Variants in FAM110B observed in about 807,000 individuals in gnomAD.
The protein encoded by FAM110B is protein FAM110B.
FAM110B carries 6 observed loss-of-function variants against 20.4 expected under a neutral mutation model. That is an observed-to-expected ratio of 0.29 (90% CI 0.16 to 0.58). The LOEUF (loss-of-function observed/expected upper bound fraction) is 0.58. Among genes scored for constraint, FAM110B ranks in the 20% least tolerant of loss-of-function variants. The probability of loss-of-function intolerance (pLI) is 0.90; values close to 1 mark genes in which losing one functional copy is unlikely to be tolerated. For missense variants in FAM110B, 434 were observed against 498.2 expected (o/e 0.87, Z 1.23); for synonymous variants, 226 against 214.1 (o/e 1.06, Z -0.49).
chr8:58,009,450 A>G (rs772009165), intron 1 of FAM110B, among the ~76,000 whole-genome samples: 3 of 152,200 alleles, frequency 2.0e-5, no homozygotes, highest in Non-Finnish European at 4.4e-5. Flanking sequence ...CTGAATTGAG[A>G]TGTCCTCCTG....
At chr8:58,012,109 T>G (rs564217914) in intron 1 of FAM110B, among the ~76,000 whole-genome samples, 1 of 152,326 alleles carries the variant, frequency 6.6e-6, no homozygotes, top group East Asian at 1.9e-4. Context: ...GTAATTTGAT[T>G]AGAAAGATGA....
intron 2 of FAM110B, among the ~76,000 whole-genome samples, chr8:58,053,882 G>A (rs1042436140): frequency 2.6e-5 from 4 of 152,136 alleles, no homozygotes; most frequent in Admixed American, 1.3e-4. Context: ...TAAATTTAAC[G>A]TAGGTTACTT....
At chr8:58,106,146 C>T (rs980724611) in intron 3 of FAM110B, 8 of 152,286 alleles carry the variant, frequency 5.3e-5, no homozygotes, top group Middle Eastern at 3.4e-3. Context: ...AGTTCCCCAA[C>T]GTCACAGTTC....
chr8:58,075,975 T>C (rs1585864723), intron 3 of FAM110B, among the ~76,000 whole-genome samples: 1 of 152,184 alleles, frequency 6.6e-6, no homozygotes, highest in Non-Finnish European at 1.5e-5. Context: ...TTTTATTTTT[T>C]GTCAATGATG....
intron 1 of FAM110B, among the ~76,000 whole-genome samples, chr8:58,027,868 A>G (rs189951330): frequency 1.3e-5 from 2 of 152,236 alleles, no homozygotes; most frequent in Admixed American, 1.3e-4. Context: ...GGATTCTTTC[A>G]AGTTTGGAGT....
intron 3 of FAM110B, among the ~76,000 whole-genome samples, chr8:58,119,951 G>A (rs1310150599): frequency 6.6e-6 from 1 of 152,210 alleles, no homozygotes; most frequent in Non-Finnish European, 1.5e-5. Context: ...TCTGGGAAAT[G>A]TAGCCAGTAA....
At chr8:58,055,225 G>C (rs1377368039) in intron 2 of FAM110B, among the ~76,000 whole-genome samples, 1 of 152,126 alleles carries the variant, frequency 6.6e-6, no homozygotes, top group Non-Finnish European at 1.5e-5. Context: ...TGGTTTCACT[G>C]TGTACACCCT....
At chr8:58,075,370 C>T (rs1405537298) in intron 2 of FAM110B, among the ~76,000 whole-genome samples, 165 bp from the exon 3 acceptor site, 1 of 151,722 alleles carries the variant, frequency 6.6e-6, no homozygotes, top group African/African-American at 2.4e-5. Flanking sequence ...CTGCCCCCCT[C>T]GGCCTCCCAA....
In FAM110B at chr8:58,028,851, C is replaced by T. The variant is rs898544925; in HGVS notation, c.-511-2755C>T. On this transcript the variant is annotated intron_variant, in intron 1 of 3. Coordinates refer to ENST00000519262, the MANE Select transcript of FAM110B (RefSeq NM_001377989.1). ...TATTTCTGCGGAATCTGTCAGTTCACATTCCCCAGGAAAACCGCATGTGGA... is the reference window on the plus strand; with the variant it reads ...TATTTCTGCGGAATCTGTCAGTTCATATTCCCCAGGAAAACCGCATGTGGA... Among the ~76,000 whole-genome samples the T allele has an allele frequency of 4.6e-5, 7 of 152,178 alleles. No individual in the cohort carries two copies. In the South Asian group the frequency reaches 6.2e-4, roughly 14 times the overall value.
chr8:58,133,205 G>GT (rs59489059), intron 3 of FAM110B, among the ~76,000 whole-genome samples: 40,409 of 139,942 alleles, frequency 0.29, 6,073 homozygotes, highest in African/African-American at 0.43. Flanking sequence ...GCTCGATTTT[G>GT]TTTTTTTTTT....
intron 3 of FAM110B, among the ~76,000 whole-genome samples, chr8:58,130,181 A>ATGAAT (rs1267957754): frequency 2.7e-4 from 41 of 152,234 alleles, no homozygotes; most frequent in African/African-American, 9.9e-4. Flanking sequence ...TTAAAAACCA[A>ATGAAT]TGAATTCTAG....
At chr8:57,998,082 C>T (rs1436636795) in intron 1 of FAM110B, among the ~76,000 whole-genome samples, 1 of 152,188 alleles carries the variant, frequency 6.6e-6, no homozygotes, top group Non-Finnish European at 1.5e-5. Flanking sequence ...CAAATCTCTT[C>T]TCTATAACTC....
chr8:58,048,970 G>A lies in FAM110B; in HGVS notation c.-414+17267G>A, dbSNP rs368247475. Among the ~76,000 whole-genome samples, 6 of 152,324 alleles carry A rather than the reference G, an allele frequency of 3.9e-5. No individual in the cohort carries two copies. The East Asian group carries it at 1.2e-3, about 29-fold the overall frequency. ...CTCACTTAAGAAAAATCATTATAGA[G>A]TAATACCGATTGAGATTTTCATTTC... On this transcript the variant is annotated intron_variant, in intron 2 of 3. Coordinates refer to ENST00000519262, the MANE Select transcript of FAM110B (RefSeq NM_001377989.1).
chr8:58,011,355 G>A (rs750748472), intron 1 of FAM110B, among the ~76,000 whole-genome samples: 19 of 152,068 alleles, frequency 1.2e-4, no homozygotes, highest in African/African-American at 4.1e-4. Context: ...TGGATAGAGC[G>A]CTGGCCTTTC....
intron 2 of FAM110B, among the ~76,000 whole-genome samples, chr8:58,047,591 CCT>C (rs56031012): frequency 0.14 from 10,345 of 74,442 alleles, 610 homozygotes; most frequent in Middle Eastern, 0.25. Flanking sequence ...CTTCCTTTTT[CCT>C]CTCTCTCTCT....
intron 2 of FAM110B, among the ~76,000 whole-genome samples, chr8:58,054,162 T>C (rs1805508014): frequency 6.6e-6 from 1 of 152,194 alleles, no homozygotes; most frequent in Non-Finnish European, 1.5e-5. Flanking sequence ...GGTTACAGTT[T>C]ACTATGAACT....
At chr8:58,000,915 C>A (rs1804282173) in intron 1 of FAM110B, among the ~76,000 whole-genome samples, 1 of 152,018 alleles carries the variant, frequency 6.6e-6, no homozygotes, top group African/African-American at 2.4e-5. Context: ...AGATTTTTTC[C>A]CCCCAATACA....
Position 58,116,840 on chromosome 8 carries a change from G to A in FAM110B, c.-324-29067G>A, listed in dbSNP as rs142950503. On this transcript the variant is annotated intron_variant, in intron 3 of 3. Transcript: ENST00000519262. Reference sequence around the variant, plus strand: ...TTGTCCAGAATGTATTCCATTTAAGGCTTATAATTCTCAATTCTTGAGGCT... The same window carrying A: ...TTGTCCAGAATGTATTCCATTTAAGACTTATAATTCTCAATTCTTGAGGCT... 7.2e-5 allele frequency among the ~76,000 whole-genome samples: 11 copies of A among 152,190 alleles called. No homozygotes were observed. The East Asian group carries it at 1.7e-3, about 24-fold the overall frequency.
At chr8:58,132,169 T>C (rs983123968) in intron 3 of FAM110B, among the ~76,000 whole-genome samples, 8 of 152,158 alleles carry the variant, frequency 5.3e-5, no homozygotes, top group African/African-American at 1.4e-4. Context: ...ATTGGGCCTA[T>C]TTTTTATATT....
Sources: allele counts gnomAD v4.1 joint callset (sites outside exome capture counted in the v4.1 genomes callset), GRCh38; gene constraint gnomAD v4.1.1; transcripts MANE v1.5; gene names NCBI Gene and HGNC (gene_info 2026-07-23, HGNC 2026-07-21).